The following AGAP1 variants were observed in gnomAD, a reference collection of about 807,000 sequenced individuals.
The protein encoded by AGAP1 is arf-GAP with GTPase, ANK repeat and PH domain-containing protein 1.
In AGAP1, 29 loss-of-function variants were observed where a neutral mutation model predicts 105.3. That is an observed-to-expected ratio of 0.28 (90% confidence interval 0.21 to 0.38). The LOEUF (loss-of-function observed/expected upper bound fraction) is 0.38, where lower values mean the gene tolerates loss of function less well. AGAP1 is among the 10% of genes least tolerant of loss of function. The pLI is 1.00. For synonymous variants in AGAP1, 509 were observed against 485.9 expected (o/e 1.05, Z -0.63); for missense variants, 998 against 1,165.1 (o/e 0.86, Z 2.09).
At chr2:235,956,275 C>T (rs2053946046) in intron 12 of AGAP1, among the ~76,000 whole-genome samples, 1 of 152,150 alleles carries the variant, frequency 6.6e-6, no homozygotes, top group Non-Finnish European at 1.5e-5. Flanking sequence ...TCGGAGTTCA[C>T]CGTATTAATT....
In AGAP1 at chr2:235,494,770, C is replaced by G; in HGVS notation, c.84C>G (p.Tyr28Ter). Reference protein sequence around the residue: ...QRFESVHPNIYSIYELLERVE... With the variant: ...QRFESVHPNI ...TCGAGTCGGTCCACCCCAACATCTA[C>G]TCCATCTACGAGCTGCTGGAGCGCG... Residue 28 changes from tyrosine (Y) to a stop codon, truncating the protein, a stop_gained, in exon 1 of 18, where the codon TAC becomes TAG. Transcript: ENST00000304032. LOFTEE classifies it high-confidence loss of function. 1 of 1,581,830 alleles carries G rather than the reference C, an allele frequency of 6.3e-7. No individual in the cohort carries two copies.
At chr2:235,862,744 TCA>T (rs1442355365) in intron 9 of AGAP1, among the ~76,000 whole-genome samples, 9 of 152,224 alleles carry the variant, frequency 5.9e-5, no homozygotes, top group Non-Finnish European at 1.5e-5. Context: ...TGAATTGCCT[TCA>T]CAGACCATAT....
intron 1 of AGAP1, among the ~76,000 whole-genome samples, chr2:235,563,813 C>G (rs982252581): frequency 6.6e-6 from 1 of 152,154 alleles, no homozygotes; most frequent in Non-Finnish European, 1.5e-5. Context: ...CTGAATTGGA[C>G]TGTTTGATTT....
chr2:235,807,458 A>G (rs1461014238), intron 9 of AGAP1, 127 bp downstream of exon 9: 15 of 729,742 alleles, frequency 2.1e-5, no homozygotes, highest in Non-Finnish European at 3.2e-5. Flanking sequence ...GAAGTCTCTC[A>G]CTTGACATCA....
intron 13 of AGAP1, among the ~76,000 whole-genome samples, chr2:235,990,993 A>T (rs1490995831): frequency 1.3e-5 from 2 of 152,318 alleles, no homozygotes; most frequent in East Asian, 3.9e-4. Flanking sequence ...AGCAAAGGTG[A>T]GGCTGTCGCC....
intron 1 of AGAP1, among the ~76,000 whole-genome samples, chr2:235,514,881 T>TA (rs1269376136): frequency 1.3e-5 from 2 of 152,196 alleles, no homozygotes; most frequent in Non-Finnish European, 2.9e-5. Flanking sequence ...ACAAGGAACA[T>TA]ACCTGGTGTT....
intron 13 of AGAP1, among the ~76,000 whole-genome samples, chr2:235,980,922 G>A (rs1292827289): frequency 6.6e-6 from 1 of 152,170 alleles, no homozygotes; most frequent in Non-Finnish European, 1.5e-5. Flanking sequence ...AAGAAAATCA[G>A]ACAATTAAAC....
intron 9 of AGAP1, among the ~76,000 whole-genome samples, chr2:235,841,117 G>A (rs1431924769): frequency 5.3e-5 from 8 of 152,106 alleles, no homozygotes; most frequent in South Asian, 2.1e-4. Context: ...CAGAAGCGGC[G>A]GCAGGGCTAT....
intron 14 of AGAP1, among the ~76,000 whole-genome samples, chr2:236,039,138 A>G (rs1049253833): frequency 6.6e-6 from 1 of 152,212 alleles, no homozygotes; most frequent in African/African-American, 2.4e-5. Context: ...TACTTAATAA[A>G]TAAGCCTCAA....
intron 9 of AGAP1, among the ~76,000 whole-genome samples, chr2:235,860,720 A>C (rs1440266014): frequency 6.6e-6 from 1 of 152,232 alleles, no homozygotes; most frequent in Non-Finnish European, 1.5e-5. Context: ...AAATTAATCA[A>C]ATAATTGCAG....
Position 235,901,948 on chromosome 2 carries a change from T to C in AGAP1, c.1156-6790T>C, listed in dbSNP as rs1329957255. ...TTCATATGGATTTTGTCTATTGATATTCATCATGTTAGAAATTCAAACAAA... is the reference window on the plus strand; with the variant it reads ...TTCATATGGATTTTGTCTATTGATACTCATCATGTTAGAAATTCAAACAAA... On this transcript the variant is annotated intron_variant, in intron 10 of 17. Coordinates refer to ENST00000304032, the MANE Select transcript of AGAP1 (RefSeq NM_001037131.3). The surrounding 1 kb of genome is among the most constrained non-coding windows in gnomAD (Gnocchi z 4.3). 1.3e-5 allele frequency among the ~76,000 whole-genome samples: 2 copies of C among 152,148 alleles called. No individual in the cohort carries two copies. The highest frequency in any genetic ancestry group is 3.9e-4 in the East Asian group (2 of 5,194).
chr2:235,885,873 T>G (rs1237441870), intron 10 of AGAP1, among the ~76,000 whole-genome samples: 1 of 152,214 alleles, frequency 6.6e-6, no homozygotes, highest in Non-Finnish European at 1.5e-5. Flanking sequence ...ATAGATATTC[T>G]TTATTGCAGT....
In AGAP1 at chr2:235,988,691, G is replaced by A. The variant is rs906933635; in HGVS notation, c.1645+20068G>A. Among the ~76,000 whole-genome samples the A allele has an allele frequency of 1.1e-4, 17 of 152,210 alleles. No individual in the cohort carries two copies. Among genetic ancestry groups the A allele is most frequent in the Non-Finnish European group, 1.6e-4 (11 of 68,018 alleles). On this transcript the variant is annotated intron_variant, in intron 13 of 17. Transcript: ENST00000304032. The surrounding 1 kb of genome is among the most constrained non-coding windows in gnomAD (Gnocchi z 4.7). ...AGTGGGTAAATGGAATCTTAAAGAC[G>A]AGAAATGATTATTTTTTTCCCGCCG...
At chr2:235,802,418 C>T (rs1467295630) in intron 8 of AGAP1, among the ~76,000 whole-genome samples, 1 of 152,206 alleles carries the variant, frequency 6.6e-6, no homozygotes, top group Non-Finnish European at 1.5e-5. Flanking sequence ...TGTTTGTTAT[C>T]TTTCTCCTTA....
intron 9 of AGAP1, among the ~76,000 whole-genome samples, chr2:235,868,433 C>A (rs1483022950): frequency 6.6e-6 from 1 of 152,094 alleles, no homozygotes; most frequent in African/African-American, 2.4e-5. Flanking sequence ...AGAGCAAAGG[C>A]GAGTGGTTGT....
intron 5 of AGAP1, among the ~76,000 whole-genome samples, chr2:235,745,465 C>G (rs1237299673): frequency 1.3e-5 from 2 of 152,182 alleles, no homozygotes; most frequent in Admixed American, 6.5e-5. Context: ...CTCTTGATCA[C>G]AGACCTATGG....
chr2:236,041,388 T>C (rs1346910595), intron 15 of AGAP1, among the ~76,000 whole-genome samples: 2 of 149,828 alleles, frequency 1.3e-5, no homozygotes, highest in Non-Finnish European at 3.0e-5. Flanking sequence ...TGATGTCTTG[T>C]TTTTTTTTGG....
rs148162333 is a variant in AGAP1 at position 235,893,582 on chromosome 2, C to T, written c.1155+10133C>T. ...GTCCATCATGAGGGTGCGCCGTGTC[C>T]GTCATGCAGATGTGCCTTCATGGCC... On this transcript the variant is annotated intron_variant, in intron 10 of 17. Transcript: ENST00000304032. The surrounding 1 kb of genome is among the most constrained non-coding windows in gnomAD (Gnocchi z 4.7). Among the ~76,000 whole-genome samples, 6 of 152,216 alleles carry T rather than the reference C, an allele frequency of 3.9e-5. No homozygotes were observed. Among genetic ancestry groups the T allele is most frequent in the Non-Finnish European group, 7.4e-5 (5 of 68,018 alleles).
rs567509445 is a variant in AGAP1, at chr2:235,679,848, C to G, written c.164-29331C>G. 3.2e-4 allele frequency among the ~76,000 whole-genome samples: 49 copies of G among 152,328 alleles called. 2 individuals carry two copies. In the South Asian group the frequency reaches 3.7e-3, roughly 12 times the overall value. On this transcript the variant is annotated intron_variant, in intron 1 of 17. Coordinates refer to ENST00000304032, the MANE Select transcript of AGAP1 (RefSeq NM_001037131.3). The stretch of plus-strand genomic sequence containing the variant: ...TCTTCAGAGTAAGAAAGCACTGACA[C>G]AGTATATTGATCAGGTTTGTTCAGT...
Sources: allele counts gnomAD v4.1 joint callset (sites outside exome capture counted in the v4.1 genomes callset), GRCh38; gene constraint gnomAD v4.1.1; non-coding constraint Gnocchi (gnomAD v3.1); transcripts MANE v1.5; gene names NCBI Gene and HGNC (gene_info 2026-07-23, HGNC 2026-07-21).